NAALADL2: variants seen among roughly 807,000 people sequenced by gnomAD.
NAALADL2 encodes inactive N-acetylated-alpha-linked acidic dipeptidase-like protein 2.
NAALADL2 carries 76 observed loss-of-function variants against 87.2 expected under a neutral mutation model. The observed-to-expected ratio is 0.87, with a 90% CI of 0.72 to 1.05. The LOEUF (loss-of-function observed/expected upper bound fraction) is 1.05, where lower values mean the gene tolerates loss of function less well. Among genes scored for constraint, NAALADL2 ranks in the 50% least tolerant of loss-of-function variants. The pLI, the probability that NAALADL2 is intolerant of heterozygous loss-of-function variation, is 0.00. For synonymous variants in NAALADL2, 354 were observed against 331.0 expected, an observed-to-expected ratio of 1.07 and a Z score of -0.75; for missense variants, 1,089 against 945.8, an observed-to-expected ratio of 1.15 and a Z score of -1.99.
At chr3:174,680,893 A>T (rs1727474676) in intron 2 of NAALADL2, among the ~76,000 whole-genome samples, 1 of 152,212 alleles carries the variant, frequency 6.6e-6, no homozygotes, top group Non-Finnish European at 1.5e-5. Flanking sequence ...CATTCACAGT[A>T]CTTGGTTTTA....
intron 2 of NAALADL2, among the ~76,000 whole-genome samples, chr3:174,669,105 T>C (rs914168431): frequency 3.9e-5 from 6 of 152,182 alleles, no homozygotes; most frequent in Non-Finnish European, 7.3e-5. Context: ...TTGTAATGAT[T>C]GCCATTCTAA....
intron 13 of NAALADL2, among the ~76,000 whole-genome samples, chr3:175,775,916 G>A (rs1750169890): frequency 6.6e-6 from 1 of 152,134 alleles, no homozygotes; most frequent in Admixed American, 6.6e-5. Flanking sequence ...GAGTCATAAA[G>A]TATTTTAACT....
chr3:175,707,347 T>A (rs1389306459), intron 11 of NAALADL2, among the ~76,000 whole-genome samples: 2 of 152,138 alleles, frequency 1.3e-5, no homozygotes, highest in African/African-American at 4.8e-5. Context: ...CATGAAATAT[T>A]GTTCTTTTTA....
intron 4 of NAALADL2, among the ~76,000 whole-genome samples, chr3:175,258,180 C>A (rs948580496): frequency 2.0e-5 from 3 of 151,738 alleles, no homozygotes; most frequent in East Asian, 1.9e-4. Flanking sequence ...TGGTGGCGGG[C>A]GCCTGTAGTC....
At chr3:175,783,899 G>A in intron 13 of NAALADL2, among the ~76,000 whole-genome samples, 1 of 142,230 alleles carries the variant, frequency 7.0e-6, no homozygotes, top group Non-Finnish European at 1.5e-5. Context: ...TTTATTGAGA[G>A]TTTTTAGCAT....
At chr3:175,582,823 C>T (rs926647862) in intron 10 of NAALADL2, among the ~76,000 whole-genome samples, 7 of 152,170 alleles carry the variant, frequency 4.6e-5, no homozygotes, top group Non-Finnish European at 5.9e-5. Context: ...TTAACCAACA[C>T]GCAGAACTGA....
chr3:175,298,545 A>C (rs1756654390), intron 4 of NAALADL2, among the ~76,000 whole-genome samples: 1 of 152,156 alleles, frequency 6.6e-6, no homozygotes, highest in African/African-American at 2.4e-5. Context: ...GGTTAATATT[A>C]TCCAACTATA....
intron 2 of NAALADL2, among the ~76,000 whole-genome samples, chr3:175,223,319 C>T (rs542520478): frequency 6.6e-6 from 1 of 151,588 alleles, no homozygotes; most frequent in Non-Finnish European, 1.5e-5. Flanking sequence ...CACCATGCTA[C>T]ATTCTGATTC....
At chr3:175,376,038 T>G (rs1477236966) in intron 5 of NAALADL2, among the ~76,000 whole-genome samples, 1 of 152,132 alleles carries the variant, frequency 6.6e-6, no homozygotes, top group Non-Finnish European at 1.5e-5. Flanking sequence ...GACTGTATAC[T>G]TTCATTTTTC....
intron 5 of NAALADL2, among the ~76,000 whole-genome samples, chr3:175,425,070 G>A (rs1391618189): frequency 2.0e-5 from 3 of 152,130 alleles, no homozygotes; most frequent in Non-Finnish European, 4.4e-5. Context: ...TTGGAGATTG[G>A]TGGGATATTA....
intron 10 of NAALADL2, among the ~76,000 whole-genome samples, chr3:175,591,784 GTATATA>G (rs57196350): frequency 2.6e-3 from 354 of 136,946 alleles, no homozygotes; most frequent in East Asian, 0.013. Context: ...GTGTGTGTGT[GTATATA>G]TATATATATA....
intron 2 of NAALADL2, among the ~76,000 whole-genome samples, chr3:174,589,276 A>G (rs1717092385): frequency 6.6e-6 from 1 of 152,112 alleles, no homozygotes; most frequent in Non-Finnish European, 1.5e-5. Flanking sequence ...ACCATCTGTC[A>G]CGGCTTCCCT....
At chr3:175,028,819 C>A (rs899800821) in intron 1 of NAALADL2, among the ~76,000 whole-genome samples, 3 of 151,566 alleles carry the variant, frequency 2.0e-5, no homozygotes, top group East Asian at 3.9e-4. Context: ...ATTTTTAATT[C>A]TGTTATTTAC....
At position 174,845,808 on chromosome 3, in the gene NAALADL2, G is replaced by A. The variant is rs1724556817; in HGVS notation, c.-9+108062G>A. On this transcript the variant is annotated intron_variant, in intron 3 of 3. Transcript: ENST00000434257. ...TAAGGTCTTGGTCATTCCTTCCTAG[G>A]TTGCAGAAGGTAGGGGAATTGCTAC... 2.0e-5 allele frequency among the ~76,000 whole-genome samples: 3 copies of A among 152,136 alleles called. No homozygotes were observed. In the South Asian group the frequency reaches 6.2e-4, roughly 31 times the overall value.
At chr3:175,703,028 T>A (rs1739197690) in intron 11 of NAALADL2, among the ~76,000 whole-genome samples, 1 of 152,180 alleles carries the variant, frequency 6.6e-6, no homozygotes, top group Non-Finnish European at 1.5e-5. Flanking sequence ...TTTTACCTGC[T>A]GTATAACTTG....
At chr3:175,686,922 T>A (rs1736376400) in intron 11 of NAALADL2, among the ~76,000 whole-genome samples, 1 of 152,200 alleles carries the variant, frequency 6.6e-6, no homozygotes, top group Non-Finnish European at 1.5e-5. Flanking sequence ...TTTCTATACC[T>A]ACCATCTTAT....
intron 5 of NAALADL2, among the ~76,000 whole-genome samples, chr3:175,364,868 CAT>C (rs1765387712): frequency 6.8e-6 from 1 of 147,390 alleles, no homozygotes; most frequent in Non-Finnish European, 1.5e-5. Flanking sequence ...GGAAAGGAGA[CAT>C]ATCTTGGAAG....
intron 11 of NAALADL2, among the ~76,000 whole-genome samples, chr3:175,688,797 A>C (rs1377422310): frequency 6.6e-6 from 1 of 152,160 alleles, no homozygotes; most frequent in Non-Finnish European, 1.5e-5. Context: ...GTACCTGAAG[A>C]GAAGCTCTGC....
At chr3:175,305,085 A>G (rs1380099513) in intron 4 of NAALADL2, among the ~76,000 whole-genome samples, 1 of 152,062 alleles carries the variant, frequency 6.6e-6, no homozygotes, top group Non-Finnish European at 1.5e-5. Context: ...AGAATCAGTT[A>G]ATTTTGTTCA....
Sources: gnomAD v4.1 joint callset for allele counts (sites outside exome capture counted in the v4.1 genomes callset) on GRCh38, gnomAD v4.1.1 for gene constraint, MANE v1.5 for transcripts, NCBI Gene and HGNC (gene_info 2026-07-23, HGNC 2026-07-21) for gene names.